PLEKHA2: variants seen among roughly 807,000 people sequenced by gnomAD.
PLEKHA2 encodes pleckstrin homology domain containing A2, also known as pleckstrin homology domain-containing family A member 2.
PLEKHA2 carries 28 observed loss-of-function variants against 53.2 expected under a neutral mutation model. The observed-to-expected ratio is 0.53, with a 90% CI of 0.39 to 0.72. The LOEUF is 0.72. Ranked by LOEUF, PLEKHA2 falls within the 30% of genes least tolerant of loss-of-function variation. The probability of loss-of-function intolerance (pLI) is 0.00; values close to 1 mark genes in which losing one functional copy is unlikely to be tolerated. For missense variants in PLEKHA2, 426 were observed against 537.9 expected, an observed-to-expected ratio of 0.79 and a Z score of 2.06; for synonymous variants, 193 against 196.4, an observed-to-expected ratio of 0.98 and a Z score of 0.14.
At chr8:38,957,020 G>A (rs1274701542) in intron 9 of PLEKHA2, among the ~76,000 whole-genome samples, 1 of 152,158 alleles carries the variant, frequency 6.6e-6, no homozygotes, top group Non-Finnish European at 1.5e-5. Flanking sequence ...GGAGATGGTG[G>A]TGGTGGGGTT....
intron 3 of PLEKHA2, among the ~76,000 whole-genome samples, chr8:38,940,650 C>CGGG (rs5891049): frequency 3.9e-4 from 22 of 56,930 alleles, no homozygotes; most frequent in South Asian, 1.5e-3. Flanking sequence ...ATTGAAGGGG[C>CGGG]GGGGGGGGGG....
chr8:38,911,036 C>T (rs1198102450), intron 1 of PLEKHA2, among the ~76,000 whole-genome samples: 3 of 152,050 alleles, frequency 2.0e-5, no homozygotes, highest in Non-Finnish European at 2.9e-5. Flanking sequence ...CCAGAAAACA[C>T]GAGGGAGGTT....
chr8:38,945,024 G>C (rs1044290919), intron 4 of PLEKHA2, among the ~76,000 whole-genome samples: 1 of 152,158 alleles, frequency 6.6e-6, no homozygotes, highest in East Asian at 1.9e-4. Context: ...TCTGTTAAGG[G>C]TCTCAGTTGC....
At chr8:38,945,632 G>C (rs891636676) in intron 4 of PLEKHA2, among the ~76,000 whole-genome samples, 1 of 152,194 alleles carries the variant, frequency 6.6e-6, no homozygotes, top group East Asian at 1.9e-4. Flanking sequence ...GAAAGAACAG[G>C]TTGAGAGTGA....
At chr8:38,947,509 G>A (rs1190787599) in intron 5 of PLEKHA2, among the ~76,000 whole-genome samples, 1 of 152,162 alleles carries the variant, frequency 6.6e-6, no homozygotes, top group East Asian at 1.9e-4. Flanking sequence ...TGTATTCCCA[G>A]CTACTTAGGA....
intron 1 of PLEKHA2, among the ~76,000 whole-genome samples, chr8:38,902,271 C>T (rs926546864): frequency 1.3e-5 from 2 of 151,642 alleles, no homozygotes; most frequent in Admixed American, 6.6e-5. Flanking sequence ...AGTGTCCCTG[C>T]ACGCCCAGAG....
At chr8:38,914,688 C>T (rs1221071095) in intron 1 of PLEKHA2, among the ~76,000 whole-genome samples, 2 of 152,184 alleles carry the variant, frequency 1.3e-5, no homozygotes, top group Non-Finnish European at 2.9e-5. Context: ...CCTTGTCCCA[C>T]GTCAGCACTG....
intron 11 of PLEKHA2, among the ~76,000 whole-genome samples, chr8:38,969,192 C>T (rs963592494): frequency 6.6e-6 from 1 of 152,190 alleles, no homozygotes; most frequent in South Asian, 2.1e-4. Context: ...TGAGCCACCA[C>T]GCCCGGCCGA....
chr8:38,965,391 G>A (rs967882434), intron 10 of PLEKHA2, among the ~76,000 whole-genome samples: 1 of 152,132 alleles, frequency 6.6e-6, no homozygotes, highest in African/African-American at 2.4e-5. Flanking sequence ...GAAGGAGCAT[G>A]GAGATAGCTT....
chr8:38,952,596 A>T (rs1389633136), intron 7 of PLEKHA2, 40 bp from the exon 8 acceptor site: 1 of 1,579,524 alleles, frequency 6.3e-7, no homozygotes, highest in South Asian at 1.1e-5. Flanking sequence ...AATGCTGGGC[A>T]CCTCTCGCTA....
rs552756673 is a variant in PLEKHA2, at chr8:38,911,235, G to A, written c.-23-6672G>A. Among the ~76,000 whole-genome samples the A allele has an allele frequency of 3.4e-5, 4 of 117,040 alleles. No individual in the cohort carries two copies. The South Asian group carries it at 1.1e-3, about 31-fold the overall frequency. The allele number at this position is 117,040 out of a possible 152,430, so 76.8% of individuals were successfully genotyped here. ...GGTATCTAGAGCTCTAACCCAGCAT[G>A]AACACTTTCTTTTTTTTTTGAGAGG... On this transcript the variant is annotated intron_variant, in intron 1 of 11. Coordinates refer to ENST00000617275, the MANE Select transcript of PLEKHA2 (RefSeq NM_021623.2).
intron 2 of PLEKHA2, among the ~76,000 whole-genome samples, chr8:38,926,066 G>A (rs58109015): frequency 0.12 from 18,307 of 152,232 alleles, 1,320 homozygotes; most frequent in East Asian, 0.21. Flanking sequence ...ACAGTTTCTT[G>A]TGTCTGTCTG....
chr8:38,935,307 C>T (rs1037033760), intron 2 of PLEKHA2, among the ~76,000 whole-genome samples: 1 of 152,094 alleles, frequency 6.6e-6, no homozygotes, highest in Non-Finnish European at 1.5e-5. Context: ...CTGTGCCTGG[C>T]CTTCTTAAAT....
intron 3 of PLEKHA2, among the ~76,000 whole-genome samples, chr8:38,939,928 A>G (rs1406175119): frequency 6.6e-6 from 1 of 151,958 alleles, no homozygotes; most frequent in Admixed American, 6.6e-5. Context: ...TCTACAAAAA[A>G]AATTTAAAAA....
chr8:38,904,287 G>T (rs13262637), intron 1 of PLEKHA2, among the ~76,000 whole-genome samples: 78,613 of 152,138 alleles, frequency 0.52, 21,200 homozygotes, highest in Admixed American at 0.62. Context: ...GGAGGTCCCA[G>T]CCCTGCTGGG....
At chr8:38,955,280 C>T (rs1834918888) in intron 9 of PLEKHA2, among the ~76,000 whole-genome samples, 1 of 152,140 alleles carries the variant, frequency 6.6e-6, no homozygotes, top group Admixed American at 6.5e-5. Context: ...TCTTTCACCT[C>T]CTCAATAGTT....
At chr8:38,925,158 A>G (rs541347407) in intron 2 of PLEKHA2, among the ~76,000 whole-genome samples, 4 of 152,314 alleles carry the variant, frequency 2.6e-5, no homozygotes, top group South Asian at 2.1e-4. Context: ...CTTGCATGCA[A>G]TCAAATAATT....
chr8:38,942,924 A>G (rs1220710752), intron 3 of PLEKHA2, among the ~76,000 whole-genome samples: 1 of 152,172 alleles, frequency 6.6e-6, no homozygotes, highest in Non-Finnish European at 1.5e-5. Flanking sequence ...CTCTCTGGGC[A>G]CCTGGAAGGT....
chr8:38,920,296 A>G (rs112783263), intron 2 of PLEKHA2, among the ~76,000 whole-genome samples: 12,290 of 151,488 alleles, frequency 0.081, 606 homozygotes, highest in East Asian at 0.22. Flanking sequence ...GACTACAGGC[A>G]CCCGCCACCA....
Sources: allele counts gnomAD v4.1 joint callset (sites outside exome capture counted in the v4.1 genomes callset), GRCh38; gene constraint gnomAD v4.1.1; transcripts MANE v1.5; gene names NCBI Gene and HGNC (gene_info 2026-07-23, HGNC 2026-07-21).